PRUNE2: variants seen among roughly 807,000 people sequenced by gnomAD.
PRUNE2 encodes the protein prune homolog 2 with BCH domain, also known as protein prune homolog 2.
Under a neutral mutation model 252.0 loss-of-function variants are expected in PRUNE2, and 164 were observed. That is an observed-to-expected ratio of 0.65 (90% CI 0.57 to 0.74). The LOEUF is 0.74. Among genes scored for constraint, PRUNE2 ranks in the 30% least tolerant of loss-of-function variants. PRUNE2 has a pLI of 0.00. For missense variants in PRUNE2, 3,495 were observed against 3,711.0 expected (o/e 0.94, Z 1.51); for synonymous variants, 1,292 against 1,350.2 (o/e 0.96, Z 0.94).
At chr9:76,685,038 C>T (rs2134304726) in intron 9 of PRUNE2, among the ~76,000 whole-genome samples, 1 of 152,226 alleles carries the variant, frequency 6.6e-6, no homozygotes, top group African/African-American at 2.4e-5. Context: ...AGGCGTGAGC[C>T]ACCGCGCCCG....
rs1207030032 is a variant in PRUNE2 at position 76,644,799 on chromosome 9, G to T, written c.8668C>A (p.Gln2890Lys). Residue 2890 changes from glutamine (Q) to lysine (K), a missense_variant, in exon 12 of 19, where the codon CAA becomes AAA. Coordinates refer to ENST00000376718, the MANE Select transcript of PRUNE2 (RefSeq NM_015225.3). The stretch of plus-strand genomic sequence containing the variant: ...ACCTTCATGTCAATGCGCTGCTCTT[G>T]TTCTCCAATGACCACTGTCCTCCAA... ...RLWRTVVIGEQEQRIDMKVIE... is the reference protein window; with the variant it reads ...RLWRTVVIGEKEQRIDMKVIE... The T allele has an allele frequency of 1.9e-6, 3 of 1,613,784 alleles. No homozygotes were observed. Among genetic ancestry groups the T allele is most frequent in the Non-Finnish European group, 1.7e-6 (2 of 1,179,864 alleles).
chr9:76,649,612 T>TGACAGATAGATA (rs1846444463), intron 11 of PRUNE2, among the ~76,000 whole-genome samples: 1 of 149,868 alleles, frequency 6.7e-6, no homozygotes, highest in Non-Finnish European at 1.5e-5. Flanking sequence ...GATAGATAGA[T>TGACAGATAGATA]GATAGATAGA....
At position 76,709,693 on chromosome 9, in the gene PRUNE2, C is replaced by T. The variant is rs772312310; in HGVS notation, c.2581G>A (p.Ala861Thr). 1.9e-6 allele frequency: 3 copies of T among 1,613,996 alleles called. No individual in the cohort carries two copies. Among genetic ancestry groups the T allele is most frequent in the South Asian group, 1.1e-5 (1 of 91,084 alleles). Residue 861 changes from alanine to threonine, a missense_variant, in exon 8 of 19, where the codon GCT becomes ACT. By Grantham distance (58) the Ala-to-Thr change is moderately conservative (BLOSUM62 0). Coordinates refer to ENST00000376718, the MANE Select transcript of PRUNE2 (RefSeq NM_015225.3). ...NSPSEINNEAAPEIWGKKNND... is the reference protein window; with the variant it reads ...NSPSEINNEATPEIWGKKNND... ...TTTTTCTTGCCCCAGATTTCTGGAGCTGCTTCATTGTTTATCTCACTGGGT... is the reference window on the plus strand; with the variant it reads ...TTTTTCTTGCCCCAGATTTCTGGAGTTGCTTCATTGTTTATCTCACTGGGT...
At chr9:76,895,163 T>C (rs1296172508) in intron 1 of PRUNE2, among the ~76,000 whole-genome samples, 1 of 152,194 alleles carries the variant, frequency 6.6e-6, no homozygotes, top group African/African-American at 2.4e-5. Context: ...CATAAGAACC[T>C]TTCAAAGAAT....
intron 4 of PRUNE2, among the ~76,000 whole-genome samples, chr9:76,829,407 C>G (rs184863817): frequency 2.6e-5 from 4 of 152,046 alleles, no homozygotes; most frequent in Non-Finnish European, 4.4e-5. Flanking sequence ...AGTTAAGTAA[C>G]CCGGTTTTGA....
chr9:76,898,920 T>C (rs2063005555), intron 1 of PRUNE2, among the ~76,000 whole-genome samples: 1 of 152,222 alleles, frequency 6.6e-6, no homozygotes, highest in South Asian at 2.1e-4. Context: ...ATGATCACGC[T>C]CCACCACAAA....
At chr9:76,825,989 T>C (rs1008867621) in intron 5 of PRUNE2, among the ~76,000 whole-genome samples, 1 of 152,170 alleles carries the variant, frequency 6.6e-6, no homozygotes, top group Non-Finnish European at 1.5e-5. Flanking sequence ...TAGAATCCTA[T>C]CAGCATAAGG....
In PRUNE2 at chr9:76,711,234, A is replaced by C. The variant is rs1384914637; in HGVS notation, c.1040T>G (p.Leu347Arg). ...DPSVTCDQVV[L>R]VVKEVINRRC... ...CCTGTTGATGACTTCCTTGACAACG[A>C]GAACCACCTGATCACAAGTCACTGA... Residue 347 changes from leucine to arginine, a missense_variant, in exon 8 of 19, where the codon CTC becomes CGC. By Grantham distance (102) the Leu-to-Arg change is moderately radical. Coordinates refer to ENST00000376718, the MANE Select transcript of PRUNE2 (RefSeq NM_015225.3). 2 of 1,613,836 alleles carry C rather than the reference A, an allele frequency of 1.2e-6. No homozygotes were observed. Among genetic ancestry groups the C allele is most frequent in the Non-Finnish European group, 1.7e-6 (2 of 1,179,876 alleles).
rs1334230910 is a variant in PRUNE2 at position 76,846,529 on chromosome 9, G to A, written c.494C>T (p.Ala165Val). 1.9e-6 allele frequency: 3 copies of A among 1,613,642 alleles called. No homozygotes were observed. The highest frequency in any genetic ancestry group is 1.1e-5 in the South Asian group (1 of 91,040). ...EAPELITEQL[A>V]HRLRGSILFK... The stretch of plus-strand genomic sequence containing the variant: ...CCATCTCTCACCTCTGAGGCGATGA[G>A]CCAGTTGCTCGGTGATGAGCTCAGG... Residue 165 changes from alanine (A) to valine (V), a missense_variant, in exon 4 of 19, where the codon GCT (alanine) becomes GTT (valine). By Grantham distance (64) the Ala-to-Val change is moderately conservative. Transcript: ENST00000376718.
chr9:76,700,689 A>G (rs1449426801), intron 9 of PRUNE2, among the ~76,000 whole-genome samples: 1 of 152,230 alleles, frequency 6.6e-6, no homozygotes, highest in Non-Finnish European at 1.5e-5. Flanking sequence ...TGACTATAAA[A>G]GAAAATATTC....
In PRUNE2 at chr9:76,711,331, T is replaced by C. The variant is rs377461188; in HGVS notation, c.943A>G (p.Asn315Asp). ...QICCELEECQ[N>D]PCLELEPFDC... ...AAGGGCTCCAGTTCTAGGCAAGGGT[T>C]CTGACACTCTTCCAGCTCACAGCAA... Residue 315 changes from asparagine to aspartate, a missense_variant, in exon 8 of 19, where the codon AAC (asparagine) becomes GAC (aspartate). Transcript: ENST00000376718. The C allele has an allele frequency of 6.2e-7, 1 of 1,612,772 alleles. No homozygotes were observed. The highest frequency in any genetic ancestry group is 2.2e-5 in the East Asian group (1 of 44,884).
intron 6 of PRUNE2, among the ~76,000 whole-genome samples, chr9:76,816,344 T>A (rs2057694777): frequency 6.6e-6 from 1 of 152,156 alleles, no homozygotes; most frequent in African/African-American, 2.4e-5. Flanking sequence ...GCTGATATGA[T>A]AAACCATTCT....
rs113594017 is a variant in PRUNE2, at chr9:76,894,717, C to CAAAAAAA, written c.36+11204_36+11210dup. 1.1e-3 allele frequency among the ~76,000 whole-genome samples: 134 copies of CAAAAAAA among 120,648 alleles called. 3 individuals are homozygous for CAAAAAAA. Among genetic ancestry groups the CAAAAAAA allele is most frequent in the African/African-American group, 4.3e-3 (125 of 28,990 alleles). The allele number at this position is 120,648 out of a possible 152,430, so 79.1% of individuals were successfully genotyped here. ...GCACCCTTTCATTAATTTTCTGCAG[C>CAAAAAAA]AAAAAAAAAAAAAAAGGACCAGCCA... is the stretch of plus-strand genomic sequence containing the variant. On this transcript the variant is annotated intron_variant, in intron 1 of 18. Transcript: ENST00000376718.
rs2046565787 is a variant in PRUNE2, at chr9:76,709,614, T to C, written c.2660A>G (p.Asp887Gly). The stretch of plus-strand genomic sequence containing the variant: ...TGGCTTAGAATTAGTCCATGTGTGA[T>C]CCAGATCAGAACTGGGATTTCCAGG... ...FAPGNPSSDLDHTWTNSKPPK... is the reference protein window; with the variant it reads ...FAPGNPSSDLGHTWTNSKPPK... The change falls in exon 8 of 19, where the codon GAT (aspartate) becomes GGT (glycine). Residue 887 changes from aspartate (D) to glycine (G), a missense_variant. Transcript: ENST00000376718. 6.2e-7 allele frequency: 1 copy of C among 1,613,984 alleles called. No individual in the cohort carries two copies. The highest frequency in any genetic ancestry group is 1.6e-4 in the Middle Eastern group (1 of 6,062).
Position 76,707,610 on chromosome 9 carries a change from A to C in PRUNE2, c.4664T>G (p.Val1555Gly). ...TTGCTGGCCCCAGGAGGACAGTGCA[A>C]CTGAAGAGTCATTTAACTCAGGACT... ...ASSPELNDSS[V>G]ALSSWGQQPS... is the part of the protein sequence containing the mutation. Residue 1555 changes from valine to glycine, a missense_variant, in exon 8 of 19, where the codon GTT becomes GGT. Physicochemically the swap from Val to Gly is moderately radical, Grantham distance 109. Coordinates refer to ENST00000376718, the MANE Select transcript of PRUNE2 (RefSeq NM_015225.3). The C allele has an allele frequency of 6.2e-7, 1 of 1,613,924 alleles. No homozygotes were observed. The highest frequency in any genetic ancestry group is 8.5e-7 in the Non-Finnish European group (1 of 1,179,888).
chr9:76,894,082 C>A (rs1394154564), intron 1 of PRUNE2, among the ~76,000 whole-genome samples: 2 of 152,128 alleles, frequency 1.3e-5, no homozygotes, highest in Non-Finnish European at 2.9e-5. Context: ...AATTTGCCCA[C>A]CATCTAAAGA....
chr9:76,764,801 G>A lies in PRUNE2; in HGVS notation c.757-51080C>T, dbSNP rs189334599. 5.9e-5 allele frequency among the ~76,000 whole-genome samples: 9 copies of A among 152,260 alleles called. No homozygotes were observed. The East Asian group carries it at 1.7e-3, about 29-fold the overall frequency. ...CCTTTTTGGAGTGAACAAGCTATTT[G>A]CTTGGCTTCCATGATCCTTCTCCCT... On this transcript the variant is annotated intron_variant, in intron 6 of 18. Transcript: ENST00000376718.
intron 6 of PRUNE2, among the ~76,000 whole-genome samples, chr9:76,722,644 GC>G (rs2047747753): frequency 6.6e-6 from 1 of 151,974 alleles, no homozygotes; most frequent in African/African-American, 2.4e-5. Context: ...ATTAAGTATT[GC>G]CTCTGCATTA....
chr9:76,728,598 T>C (rs1448522525), intron 6 of PRUNE2, among the ~76,000 whole-genome samples: 3 of 152,358 alleles, frequency 2.0e-5, no homozygotes, highest in African/African-American at 7.2e-5. Flanking sequence ...TGATAGTCAC[T>C]GGGGAAAAAT....
Sources: gnomAD v4.1 joint callset for allele counts (sites outside exome capture counted in the v4.1 genomes callset) on GRCh38, gnomAD v4.1.1 for gene constraint, MANE v1.5 for transcripts, NCBI Gene and HGNC (gene_info 2026-07-23, HGNC 2026-07-21) for gene names.